The following GPATCH8 variants were observed in gnomAD, a reference collection of about 807,000 sequenced individuals.
The protein encoded by GPATCH8 is G patch domain-containing protein 8.
GPATCH8 carries 18 observed loss-of-function variants against 118.3 expected under a neutral mutation model. The observed-to-expected ratio is 0.15, with a 90% CI of 0.11 to 0.23. The LOEUF is 0.23. GPATCH8 is among the 10% of genes least tolerant of loss of function. The pLI, the probability that GPATCH8 is intolerant of heterozygous loss-of-function variation, is 1.00. For missense variants in GPATCH8, 1,631 were observed against 1,873.8 expected (o/e 0.87, Z 2.39); for synonymous variants, 659 against 684.7 (o/e 0.96, Z 0.59).
At chr17:44,495,488 C>T (rs867502806) in intron 1 of GPATCH8, among the ~76,000 whole-genome samples, 3 of 152,242 alleles carry the variant, frequency 2.0e-5, no homozygotes, top group Middle Eastern at 6.8e-3. Context: ...ATAAACTAAA[C>T]CTTACTACTT....
chr17:44,499,392 C>T (rs1309442654), intron 1 of GPATCH8, among the ~76,000 whole-genome samples: 4 of 152,140 alleles, frequency 2.6e-5, no homozygotes, highest in Non-Finnish European at 5.9e-5. Flanking sequence ...ATCACTTGAA[C>T]CCGGGAGGCG....
At chr17:44,462,329 A>C (rs1041748036) in intron 3 of GPATCH8, among the ~76,000 whole-genome samples, 10 of 152,216 alleles carry the variant, frequency 6.6e-5, no homozygotes, top group Admixed American at 5.9e-4. Context: ...CTTCTAAAAC[A>C]ATCACCTCCA....
chr17:44,447,943 G>C (rs1385299439), intron 3 of GPATCH8, among the ~76,000 whole-genome samples: 1 of 152,006 alleles, frequency 6.6e-6, no homozygotes, highest in Non-Finnish European at 1.5e-5. Flanking sequence ...AGACATTTTG[G>C]GGGTGTTTGT....
chr17:44,499,431 T>C (rs898964893), intron 1 of GPATCH8, among the ~76,000 whole-genome samples: 8 of 152,068 alleles, frequency 5.3e-5, no homozygotes, highest in East Asian at 1.9e-4. Context: ...GATGGTGCCA[T>C]TGCACTCCAG....
At chr17:44,433,164 A>G (rs530927365) in intron 5 of GPATCH8, among the ~76,000 whole-genome samples, 10 of 152,270 alleles carry the variant, frequency 6.6e-5, no homozygotes, top group African/African-American at 2.4e-4. Context: ...GCATCTCAAG[A>G]TACTATGTAT....
At chr17:44,418,746 C>T (rs539696242) in intron 6 of GPATCH8, among the ~76,000 whole-genome samples, 2 of 152,224 alleles carry the variant, frequency 1.3e-5, no homozygotes, top group African/African-American at 2.4e-5. Flanking sequence ...CCACCGCGCC[C>T]GGCTAGTCAG....
rs567243387 is a variant in GPATCH8, at chr17:44,420,570, A to G, written c.492+3779T>C. 7.9e-5 allele frequency among the ~76,000 whole-genome samples: 12 copies of G among 152,328 alleles called. No homozygotes were observed. In the East Asian group the frequency reaches 2.3e-3, roughly 29 times the overall value. On this transcript the variant is annotated intron_variant, in intron 6 of 7. Transcript: ENST00000591680. ...TACAGAGGCATTGCCAAGTGCCTCC[A>G]GAGTGACAAAATCTCCCTAGTTTGA...
intron 1 of GPATCH8, among the ~76,000 whole-genome samples, chr17:44,501,202 G>A (rs537022952): frequency 2.0e-5 from 3 of 151,972 alleles, no homozygotes; most frequent in Non-Finnish European, 4.4e-5. Flanking sequence ...GGCGGATCAC[G>A]AGTCAGGAGT....
intron 3 of GPATCH8, among the ~76,000 whole-genome samples, chr17:44,455,803 A>G (rs985025689): frequency 6.6e-6 from 1 of 152,194 alleles, no homozygotes; most frequent in Non-Finnish European, 1.5e-5. Flanking sequence ...GCTGGAGTGC[A>G]TTGGCATGAA....
intron 1 of GPATCH8, among the ~76,000 whole-genome samples, chr17:44,476,276 C>G (rs1189533960): frequency 3.3e-5 from 5 of 152,018 alleles, no homozygotes; most frequent in African/African-American, 7.2e-5. Context: ...ACAATCTCAG[C>G]TCACCGCAAC....
At chr17:44,424,314 G>A in intron 6 of GPATCH8, 35 bp downstream of exon 6, 2 of 1,428,580 alleles carry the variant, frequency 1.4e-6, no homozygotes, top group Non-Finnish European at 2.0e-6. Flanking sequence ...CAATAGATAG[G>A]TACCTTCTTC....
In GPATCH8 at chr17:44,397,765, G is replaced by A; in HGVS notation, c.4312C>T (p.Pro1438Ser). The change falls in exon 8 of 8, where the codon CCC (proline) becomes TCC (serine). Residue 1438 changes from proline to serine, a missense_variant. Coordinates refer to ENST00000591680, the MANE Select transcript of GPATCH8 (RefSeq NM_001002909.4). The part of the protein sequence containing the change: ...GHPATFLASH[P>S]IHIIPASAIH... Reference sequence around the variant, plus strand: ...GCTGAGGCGGGAATGATGTGGATGGGATGGCTAGCGAGAAAGGTGGCAGGG... The same window carrying A: ...GCTGAGGCGGGAATGATGTGGATGGAATGGCTAGCGAGAAAGGTGGCAGGG... 1 of 1,584,174 alleles carries A rather than the reference G, an allele frequency of 6.3e-7. No individual in the cohort carries two copies. The highest frequency in any genetic ancestry group is 8.6e-7 in the Non-Finnish European group (1 of 1,162,932).
chr17:44,436,825 A>G (rs1363368822), intron 3 of GPATCH8: 1 of 439,924 alleles, frequency 2.3e-6, no homozygotes, highest in Non-Finnish European at 4.1e-6. Context: ...AAGCAATGGC[A>G]TCAGGAGGTT....
At chr17:44,471,952 T>C (rs1967312991) in intron 2 of GPATCH8, among the ~76,000 whole-genome samples, 1 of 150,608 alleles carries the variant, frequency 6.6e-6, no homozygotes, top group Non-Finnish European at 1.5e-5. Context: ...AGAAATAAGA[T>C]CCCTCTTATC....
intron 2 of GPATCH8, among the ~76,000 whole-genome samples, chr17:44,469,187 G>A (rs774015292): frequency 4.1e-4 from 63 of 152,162 alleles, no homozygotes; most frequent in African/African-American, 1.3e-3. Flanking sequence ...ATTTTTAAGC[G>A]GGAAGATCTT....
intron 1 of GPATCH8, among the ~76,000 whole-genome samples, chr17:44,496,163 C>T (rs1420094180): frequency 1.3e-5 from 2 of 152,198 alleles, no homozygotes; most frequent in Non-Finnish European, 2.9e-5. Flanking sequence ...AGCCACCGCG[C>T]CCAGCCTACC....
At chr17:44,430,726 T>C (rs1186435736) in intron 5 of GPATCH8, among the ~76,000 whole-genome samples, 5 of 151,436 alleles carry the variant, frequency 3.3e-5, no homozygotes, top group Non-Finnish European at 7.4e-5. Context: ...CACTGCAACC[T>C]CCGCCTCCTG....
chr17:44,427,182 C>T (rs1300305008), intron 5 of GPATCH8, among the ~76,000 whole-genome samples: 1 of 151,356 alleles, frequency 6.6e-6, no homozygotes, highest in East Asian at 1.9e-4. Context: ...CTCAATTAAT[C>T]CTCCCACCTC....
chr17:44,447,727 A>C, intron 3 of GPATCH8, among the ~76,000 whole-genome samples: 1 of 151,862 alleles, frequency 6.6e-6, no homozygotes, highest in East Asian at 1.9e-4. Context: ...CCTGGGCTCA[A>C]GCAATCCTCC....
Sources: gnomAD v4.1 joint callset for allele counts (sites outside exome capture counted in the v4.1 genomes callset) on GRCh38, gnomAD v4.1.1 for gene constraint, MANE v1.5 for transcripts, NCBI Gene and HGNC (gene_info 2026-07-23, HGNC 2026-07-21) for gene names.